HDAC8: variants seen among roughly 807,000 people sequenced by gnomAD.
HDAC8 encodes histone deacetylase-like 1.
Under a neutral mutation model 32.2 loss-of-function variants are expected in HDAC8, and 1 was observed. The ratio of observed to expected loss-of-function variants is 0.03; its 90% CI spans 0.01 to 0.15. HDAC8 has a LOEUF of 0.15. HDAC8 is among the 10% of genes least tolerant of loss of function. The pLI, the probability that HDAC8 is intolerant of heterozygous loss-of-function variation, is 1.00. For synonymous variants in HDAC8, 108 were observed against 113.9 expected, an observed-to-expected ratio of 0.95 and a Z score of 0.33; for missense variants, 117 against 300.0, an observed-to-expected ratio of 0.39 and a Z score of 4.51.
chrX:72,395,106 A>G (rs961288028), intron 9 of HDAC8, among the ~76,000 whole-genome samples: 21 of 112,228 alleles, frequency 1.9e-4, no homozygotes, highest in African/African-American at 6.8e-4. Context: ...TCAAGGGGGG[A>G]AAAAAGTGCT....
intron 2 of HDAC8, 65 bp downstream of exon 2, chrX:72,571,992 G>C (rs782437296): frequency 3.3e-5 from 31 of 940,701 alleles, no homozygotes; most frequent in Non-Finnish European, 3.8e-5. Context: ...TTGCCCCACT[G>C]TGAAGCAGGA....
intron 9 of HDAC8, among the ~76,000 whole-genome samples, chrX:72,435,199 C>A (rs1158965378): frequency 3.6e-5 from 4 of 111,162 alleles, no homozygotes; most frequent in African/African-American, 6.5e-5. Context: ...GAATTCAATC[C>A]CTGAAAGAAG....
At chrX:72,572,593 T>TCCCCCCCC in intron 1 of HDAC8, 58 bp downstream of exon 1, 1 of 787,039 alleles carries the variant, frequency 1.3e-6, no homozygotes, top group Non-Finnish European at 1.8e-6. Context: ...CGCTCTTTCG[T>TCCCCCCCC]CCACCGCCCC....
intron 10 of HDAC8, among the ~76,000 whole-genome samples, chrX:72,345,994 A>C (rs1427301820): frequency 8.9e-6 from 1 of 111,892 alleles, no homozygotes; most frequent in Non-Finnish European, 1.9e-5. Context: ...AGAATTTTTA[A>C]AATTTTCAGC....
At chrX:72,363,219 G>C (rs781958829) in intron 9 of HDAC8, among the ~76,000 whole-genome samples, 1 of 112,338 alleles carries the variant, frequency 8.9e-6, no homozygotes, top group South Asian at 3.7e-4. Flanking sequence ...ACTGTGTGCA[G>C]AGCCAACTCT....
chrX:72,480,020 T>G (rs782068763), intron 7 of HDAC8, among the ~76,000 whole-genome samples: 2 of 112,458 alleles, frequency 1.8e-5, no homozygotes, highest in African/African-American at 6.5e-5. Flanking sequence ...ATGGCTCACT[T>G]TGGCCTCATT....
At position 72,351,714 on chromosome X, in the gene HDAC8, C is replaced by T. The variant is rs1177796856; in HGVS notation, c.1111+19G>A. 2 of 1,155,653 alleles carry T rather than the reference C, an allele frequency of 1.7e-6. No homozygotes were observed. Among genetic ancestry groups the T allele is most frequent in the Non-Finnish European group, 2.4e-6 (2 of 845,393 alleles). The stretch of plus-strand genomic sequence containing the variant: ...ACTGGGTGGAACAAGGAGGGCAGGC[C>T]TCGAGGGGCGGTGCTCACCTTTGAT... On this transcript the variant is annotated intron_variant, in intron 10 of 10. Transcript: ENST00000373573.
At chrX:72,541,637 C>T (rs1556043119) in intron 4 of HDAC8, among the ~76,000 whole-genome samples, 1 of 111,777 alleles carries the variant, frequency 8.9e-6, no homozygotes, top group East Asian at 2.8e-4. Flanking sequence ...GAGAGGTGAT[C>T]ATGGTTTGTA....
At chrX:72,482,843 A>C (rs2048551525) in intron 7 of HDAC8, among the ~76,000 whole-genome samples, 1 of 111,978 alleles carries the variant, frequency 8.9e-6, no homozygotes, top group Non-Finnish European at 1.9e-5. Flanking sequence ...CTCATGAGAA[A>C]TCAGAACATA....
chrX:72,436,549 A>C, intron 9 of HDAC8, among the ~76,000 whole-genome samples: 1 of 110,774 alleles, frequency 9.0e-6, no homozygotes, highest in Non-Finnish European at 1.9e-5. Flanking sequence ...AGAACTTATC[A>C]GCAGATCTAA....
rs782294962 is a variant in HDAC8 at position 72,466,894 on chromosome X, A to G, written c.738-2163T>C. The stretch of plus-strand genomic sequence containing the variant: ...ATATTGCTCATTAATAAAAAGGAGC[A>G]AACTATTGATACATGCAAAAAATCT... On this transcript the variant is annotated intron_variant, in intron 7 of 10. Coordinates refer to ENST00000373573, the MANE Select transcript of HDAC8 (RefSeq NM_018486.3). The G allele has an allele frequency of 7.1e-5, 8 of 111,985 alleles. No individual in the cohort carries two copies. In the East Asian group the frequency reaches 1.7e-3, roughly 23 times the overall value. 9.2% of individuals were successfully genotyped at this position (111,985 alleles called of 1,213,427 possible).
Position 72,435,891 on chromosome X carries a change from A to C in HDAC8, c.1005+26113T>G, listed in dbSNP as rs782365172. On this transcript the variant is annotated intron_variant, in intron 9 of 10. Transcript: ENST00000373573. The stretch of plus-strand genomic sequence containing the variant: ...GCTGAAGCACGAGAATCACTTGAAC[A>C]TGGGTGGTGGAGGTTGCAGTGAGCC... Among the ~76,000 whole-genome samples the C allele has an allele frequency of 6.0e-4, 67 of 111,592 alleles. 1 individual carries two copies. Among genetic ancestry groups the C allele is most frequent in the African/African-American group, 2.0e-3 (60 of 30,680 alleles).
intron 4 of HDAC8, among the ~76,000 whole-genome samples, chrX:72,519,791 C>T (rs782815646): frequency 7.2e-5 from 8 of 111,065 alleles, no homozygotes; most frequent in African/African-American, 1.6e-4. Flanking sequence ...GGTTTCACCA[C>T]GTTGCCCAAG....
At chrX:72,551,673 G>A (rs1466563583) in intron 4 of HDAC8, among the ~76,000 whole-genome samples, 7 of 111,393 alleles carry the variant, frequency 6.3e-5, no homozygotes, top group African/African-American at 2.3e-4. Flanking sequence ...ATAGATGTTC[G>A]TTAATTGATT....
rs369733754 is a variant in HDAC8 at position 72,433,932 on chromosome X, C to T, written c.1005+28072G>A. Among the ~76,000 whole-genome samples, 3 of 112,149 alleles carry T rather than the reference C, an allele frequency of 2.7e-5. No individual in the cohort carries two copies. In the East Asian group the frequency reaches 8.4e-4, roughly 31 times the overall value. ...AGCCTCACTGAAGTGTTAGGCACAT[C>T]GCATGTGCTCAATAAATGTTAATTC... On this transcript the variant is annotated intron_variant, in intron 9 of 10. Coordinates refer to ENST00000373573, the MANE Select transcript of HDAC8 (RefSeq NM_018486.3).
At chrX:72,484,185 A>G (rs1238112219) in intron 7 of HDAC8, among the ~76,000 whole-genome samples, 1 of 112,174 alleles carries the variant, frequency 8.9e-6, no homozygotes, top group Non-Finnish European at 1.9e-5. Context: ...GAGCTATACA[A>G]TATAAGCCAT....
At chrX:72,474,538 G>A (rs1198704157) in intron 7 of HDAC8, 7 of 1,102,790 alleles carry the variant, frequency 6.3e-6, no homozygotes, top group Non-Finnish European at 7.1e-6. Flanking sequence ...GGGAGGACAG[G>A]CATCTCTTTA....
intron 4 of HDAC8, among the ~76,000 whole-genome samples, chrX:72,564,123 G>A (rs782597383): frequency 8.9e-6 from 1 of 112,007 alleles, no homozygotes; most frequent in Admixed American, 9.4e-5. Flanking sequence ...TCACACCATT[G>A]CACTCCAGCC....
Position 72,437,389 on chromosome X carries a change from G to A in HDAC8, c.1005+24615C>T, listed in dbSNP as rs1034910204. ...GGTGCCTACACCACCAGGGACCTGG[G>A]TTTCAAGCACAAAACTGGGCTGCCG... On this transcript the variant is annotated intron_variant, in intron 9 of 10. Transcript: ENST00000373573. 1.5e-4 allele frequency among the ~76,000 whole-genome samples: 17 copies of A among 111,589 alleles called. 1 individual carries two copies. Among genetic ancestry groups the A allele is most frequent in the African/African-American group, 5.5e-4 (17 of 30,667 alleles).
Sources: gnomAD v4.1 joint callset for allele counts (sites outside exome capture counted in the v4.1 genomes callset) on GRCh38, gnomAD v4.1.1 for gene constraint, MANE v1.5 for transcripts, NCBI Gene and HGNC (gene_info 2026-07-23, HGNC 2026-07-21) for gene names.